Variants in RAB1A observed in about 807,000 individuals in gnomAD.
RAB1A encodes the protein RAB1A, member RAS oncogene family, also known as ras-related protein Rab-1A.
In RAB1A, 2 loss-of-function variants were observed where a neutral mutation model predicts 26.0. The observed-to-expected ratio is 0.08, with a 90% CI of 0.03 to 0.24. The LOEUF (loss-of-function observed/expected upper bound fraction) is 0.24, where lower values mean the gene tolerates loss of function less well. Among genes scored for constraint, RAB1A ranks in the 10% least tolerant of loss-of-function variants. The pLI is 1.00. For synonymous variants in RAB1A, 84 were observed against 84.9 expected, an observed-to-expected ratio of 0.99 and a Z score of 0.06; for missense variants, 100 against 247.0, an observed-to-expected ratio of 0.40 and a Z score of 3.99.
chr2:65,115,022 T>G (rs538849330), intron 1 of RAB1A, among the ~76,000 whole-genome samples: 26 of 152,200 alleles, frequency 1.7e-4, no homozygotes, highest in Non-Finnish European at 2.9e-4. Context: ...CTTCTTGCTC[T>G]CTGTCTTGAC....
chr2:65,095,372 G>A (rs1187752778), intron 3 of RAB1A, among the ~76,000 whole-genome samples: 1 of 151,930 alleles, frequency 6.6e-6, no homozygotes, highest in Admixed American at 6.6e-5. Context: ...TTTTGAGACA[G>A]GGTCTCTCAC....
chr2:65,092,450 C>T (rs192043381), intron 3 of RAB1A, among the ~76,000 whole-genome samples: 194 of 152,314 alleles, frequency 1.3e-3, no homozygotes, highest in Middle Eastern at 6.8e-3. Context: ...TCACCTTGTA[C>T]AACAGCTAAA....
At chr2:65,109,533 G>A (rs1436166994) in intron 1 of RAB1A, among the ~76,000 whole-genome samples, 7 of 150,374 alleles carry the variant, frequency 4.7e-5, no homozygotes, top group Non-Finnish European at 7.4e-5. Flanking sequence ...GTGAAACCCC[G>A]TCTCTACTAA....
chr2:65,089,766 G>A (rs1573061840), intron 4 of RAB1A, among the ~76,000 whole-genome samples: 1 of 149,088 alleles, frequency 6.7e-6, no homozygotes, highest in Non-Finnish European at 1.5e-5. Context: ...GCAATGGCGC[G>A]ATCTCGGCTC....
intron 2 of RAB1A, among the ~76,000 whole-genome samples, chr2:65,102,099 T>C (rs1431967483): frequency 6.6e-6 from 1 of 152,184 alleles, no homozygotes; most frequent in African/African-American, 2.4e-5. Context: ...TTTGCCACTA[T>C]TTCCATTAGG....
intron 1 of RAB1A, 105 bp from the exon 2 acceptor site, chr2:65,104,911 T>G: frequency 2.1e-6 from 2 of 943,518 alleles, no homozygotes; most frequent in South Asian, 1.3e-5. Flanking sequence ...CTGTGAAGAC[T>G]ACATCTCCTA....
In RAB1A at chr2:65,129,910, G is replaced by A. The variant is rs780760400; in HGVS notation, c.6C>T (p.Ser2=). 1.9e-6 allele frequency: 3 copies of A among 1,594,680 alleles called. No homozygotes were observed. The highest frequency in any genetic ancestry group is 2.3e-5 in the South Asian group (2 of 87,930). Residue 2 remains serine, a synonymous_variant, in exon 1 of 6, where the codon TCC becomes TCT. Coordinates refer to ENST00000409784, the MANE Select transcript of RAB1A (RefSeq NM_004161.5). ...GAACTCACTATTCGGGATTCATGCT[G>A]GACATGTCACTGCAGCTGCCGCCGC... M[S]SMNPEYDYLF... is the part of the protein sequence containing the mutation.
chr2:65,104,264 T>C (rs1242960617), intron 2 of RAB1A, among the ~76,000 whole-genome samples: 1 of 152,168 alleles, frequency 6.6e-6, no homozygotes, highest in Admixed American at 6.6e-5. Flanking sequence ...TCATGCTATG[T>C]TGTCCAGGTT....
chr2:65,114,116 A>G, intron 1 of RAB1A: 1 of 468,590 alleles, frequency 2.1e-6, no homozygotes, highest in South Asian at 1.6e-5. Flanking sequence ...CAATACAGCC[A>G]CAAGTATATG....
intron 2 of RAB1A, among the ~76,000 whole-genome samples, chr2:65,101,231 G>C (rs552155568): frequency 6.6e-6 from 1 of 151,480 alleles, no homozygotes; most frequent in Non-Finnish European, 1.5e-5. Flanking sequence ...GTTACTATTC[G>C]TCTGCCCAAA....
intron 3 of RAB1A, among the ~76,000 whole-genome samples, chr2:65,094,923 T>G (rs982945596): frequency 1.3e-5 from 2 of 152,172 alleles, no homozygotes; most frequent in Non-Finnish European, 2.9e-5. Flanking sequence ...ATAAGATCAA[T>G]CTGAAGGGCA....
chr2:65,103,304 A>AAAAAAAAAAAACAAAAAC (rs757626011), intron 2 of RAB1A, among the ~76,000 whole-genome samples: 1 of 112,502 alleles, frequency 8.9e-6, no homozygotes, highest in East Asian at 2.8e-4. Context: ...TGTCTCAAAA[A>AAAAAAAAAAAACAAAAAC]AAAAAAAAAA....
At chr2:65,107,173 C>T (rs1215455635) in intron 1 of RAB1A, among the ~76,000 whole-genome samples, 1 of 151,804 alleles carries the variant, frequency 6.6e-6, no homozygotes, top group African/African-American at 2.4e-5. Context: ...TCAAGCAATT[C>T]TCCTGCCTCA....
At chr2:65,108,649 A>C (rs1011216732) in intron 1 of RAB1A, among the ~76,000 whole-genome samples, 5 of 151,836 alleles carry the variant, frequency 3.3e-5, no homozygotes, top group Non-Finnish European at 7.4e-5. Flanking sequence ...TTTACTAAAA[A>C]TACAAAATTA....
At chr2:65,125,119 A>G (rs762529595) in intron 1 of RAB1A, among the ~76,000 whole-genome samples, 5 of 151,616 alleles carry the variant, frequency 3.3e-5, no homozygotes, top group Non-Finnish European at 5.9e-5. Context: ...TGAAAGACTG[A>G]TAACATTTTC....
chr2:65,090,712 G>A (rs1406649213), intron 4 of RAB1A, among the ~76,000 whole-genome samples: 1 of 152,158 alleles, frequency 6.6e-6, no homozygotes, highest in East Asian at 1.9e-4. Flanking sequence ...ATATGTTAGA[G>A]TCTTGGCTAT....
chr2:65,095,222 A>G (rs1373712846), intron 3 of RAB1A, among the ~76,000 whole-genome samples: 4 of 152,096 alleles, frequency 2.6e-5, no homozygotes, highest in Non-Finnish European at 4.4e-5. Flanking sequence ...TTTTGCAAAG[A>G]TGAGGTTTCG....
chr2:65,125,053 A>AAT (rs1670065732), intron 1 of RAB1A, among the ~76,000 whole-genome samples: 1 of 150,810 alleles, frequency 6.6e-6, no homozygotes, highest in South Asian at 2.1e-4. Flanking sequence ...ATGCAAGCAA[A>AAT]AAAAAAAAAA....
chr2:65,115,478 CACTT>C lies in RAB1A; in HGVS notation c.24-10676_24-10673del, dbSNP rs1320829175. On this transcript the variant is annotated intron_variant, in intron 1 of 5. Coordinates refer to ENST00000409784, the MANE Select transcript of RAB1A (RefSeq NM_004161.5). Reference sequence around the variant, plus strand: ...TTCAAAACCAACCTTCAGGTTGAAACACTTACTCCTTGCTGGAGACAAGAGGTAA... The same window carrying C: ...TTCAAAACCAACCTTCAGGTTGAAACACTCCTTGCTGGAGACAAGAGGTAA... Among the ~76,000 whole-genome samples the C allele has an allele frequency of 5.3e-5, 8 of 152,208 alleles. No individual in the cohort carries two copies. The South Asian group carries it at 6.2e-4, about 12-fold the overall frequency.
Sources: allele counts gnomAD v4.1 joint callset (sites outside exome capture counted in the v4.1 genomes callset), GRCh38; gene constraint gnomAD v4.1.1; transcripts MANE v1.5; gene names NCBI Gene and HGNC (gene_info 2026-07-23, HGNC 2026-07-21).